ZNF850: variants seen among roughly 807,000 people sequenced by gnomAD.
The protein encoded by ZNF850 is zinc finger protein 850.
Under a neutral mutation model 11.9 loss-of-function variants are expected in ZNF850, and 2 were observed. The ratio of observed to expected loss-of-function variants is 0.17; its 90% CI spans 0.07 to 0.53. ZNF850 has a LOEUF of 0.53. ZNF850 is among the 20% of genes least tolerant of loss of function. The pLI is 0.94. For synonymous variants in ZNF850, 381 were observed against 443.0 expected (o/e 0.86, Z 1.76); for missense variants, 1,014 against 1,316.4 (o/e 0.77, Z 3.55).
rs1643583367 is a variant in ZNF850, at chr19:36,743,570, A to T, written c.*4197T>A. ...ATGAAGAAACCATTTCATCTACTAA[A>T]GTAGTTCATCAATGTTACAATCCTT... is the stretch of plus-strand genomic sequence containing the variant. On this transcript the variant is annotated 3_prime_UTR_variant, in exon 5 of 5. Coordinates refer to ENST00000591344, the MANE Select transcript of ZNF850 (RefSeq NM_001193552.2). 1 of 152,168 alleles carries T rather than the reference A, an allele frequency of 6.6e-6. No individual in the cohort carries two copies. The highest frequency in any genetic ancestry group is 2.1e-4 in the South Asian group (1 of 4,836). The allele number at this position is 152,168 out of a possible 1,614,324, so 9.4% of individuals were successfully genotyped here.
chr19:36,769,769 AAGG>A (rs1845125766), intron 1 of ZNF850, among the ~76,000 whole-genome samples: 1 of 152,178 alleles, frequency 6.6e-6, no homozygotes, highest in Admixed American at 6.6e-5. Flanking sequence ...CTCAAAATCC[AAGG>A]AGATTTCTCC....
In ZNF850 at chr19:36,749,733, A is replaced by G; in HGVS notation, c.1307T>C (p.Leu436Pro). 2 of 1,557,468 alleles carry G rather than the reference A, an allele frequency of 1.3e-6. No individual in the cohort carries two copies. The highest frequency in any genetic ancestry group is 1.7e-6 in the Non-Finnish European group (2 of 1,153,386). The change falls in exon 5 of 5, where the codon CTA (leucine) becomes CCA (proline). Residue 436 changes from leucine to proline, a missense_variant. Around this residue, in one of 2 missense-constraint regions of ZNF850, gnomAD observed 835 missense variants for 1,022.0 expected, o/e 0.82. Transcript: ENST00000591344. ...CGKSFTAGST[L>P]IQHQRIHTGE... ...AGTGTGAATTCGCTGATGTTGAATT[A>G]GTGTTGAGCCAGCAGTAAAAGATTT...
chr19:36,757,472 A>T (rs1457040679), intron 4 of ZNF850, among the ~76,000 whole-genome samples: 3 of 151,764 alleles, frequency 2.0e-5, no homozygotes, highest in African/African-American at 7.3e-5. Context: ...GATGAAACAT[A>T]AAAAGGAAGC....
In ZNF850 at chr19:36,748,965, C is replaced by T. The variant is rs748702950; in HGVS notation, c.2075G>A (p.Arg692Gln). 50 of 1,594,148 alleles carry T rather than the reference C, an allele frequency of 3.1e-5. No individual in the cohort carries two copies. The highest frequency in any genetic ancestry group is 1.6e-4 in the African/African-American group (12 of 73,806). Reference protein sequence around the residue: ...FRQRTYLNQHRRIHTGEKPYE... With the variant: ...FRQRTYLNQHQRIHTGEKPYE... ...AGGTTTCTCACCAGTATGAATTCTC[C>T]GATGTTGATTAAGGTATGTACGCTG... The change falls in exon 5 of 5, where the codon CGG (arginine) becomes CAG (glutamine). Residue 692 changes from arginine to glutamine, a missense_variant. By Grantham distance (43) the Arg-to-Gln change is conservative (BLOSUM62 1). Around this residue, in one of 2 missense-constraint regions of ZNF850, gnomAD observed 835 missense variants for 1,022.0 expected, o/e 0.82. Transcript: ENST00000591344.
At chr19:36,764,679 A>C (rs1365086247) in intron 1 of ZNF850, among the ~76,000 whole-genome samples, 1 of 150,094 alleles carries the variant, frequency 6.7e-6, no homozygotes, top group East Asian at 2.0e-4. Context: ...TTGTTGCTTT[A>C]GCTGCAAGTG....
At chr19:36,770,687 CAGAG>C (rs1183724030) in intron 1 of ZNF850, among the ~76,000 whole-genome samples, 1 of 111,390 alleles carries the variant, frequency 9.0e-6, no homozygotes, top group East Asian at 2.9e-4. Context: ...GTCTGGGCGA[CAGAG>C]AGAGACTCCA....
intron 4 of ZNF850, among the ~76,000 whole-genome samples, chr19:36,754,784 T>G (rs536598533): frequency 6.6e-6 from 1 of 152,190 alleles, no homozygotes; most frequent in East Asian, 1.9e-4. Flanking sequence ...CTTGAGCTAC[T>G]GACCTTGTGT....
intron 4 of ZNF850, among the ~76,000 whole-genome samples, chr19:36,756,054 C>T (rs1246933972): frequency 3.3e-5 from 5 of 151,740 alleles, no homozygotes; most frequent in East Asian, 1.9e-4. Flanking sequence ...TACAGGCGCC[C>T]GCCATGACAC....
Position 36,750,555 on chromosome 19 carries a change from C to T in ZNF850, c.485G>A (p.Arg162Gln), listed in dbSNP as rs933329813. The change falls in exon 5 of 5, where the codon CGG becomes CAG. Residue 162 changes from arginine (R) to glutamine (Q), a missense_variant. Arg to Gln is a conservative substitution (Grantham distance 43). Around this residue, in one of 2 missense-constraint regions of ZNF850, gnomAD observed 835 missense variants for 1,022.0 expected, o/e 0.82. Coordinates refer to ENST00000591344, the MANE Select transcript of ZNF850 (RefSeq NM_001193552.2). ...ATACAGTTTCTCTCCAGGATGAATC[C>T]GATGATGCAGAGTGAGAGATGTCTG... ...CLQTSLTLHHRIHPGEKLYKS... is the reference protein window; with the variant it reads ...CLQTSLTLHHQIHPGEKLYKS... 32 of 1,535,950 alleles carry T rather than the reference C, an allele frequency of 2.1e-5. No homozygotes were observed. Among genetic ancestry groups the T allele is most frequent in the African/African-American group, 2.7e-5 (2 of 73,006 alleles).
chr19:36,763,565 A>G (rs1336929829), intron 1 of ZNF850, among the ~76,000 whole-genome samples: 1 of 150,720 alleles, frequency 6.6e-6, no homozygotes, highest in Non-Finnish European at 1.5e-5. Context: ...CAACAACAAC[A>G]AAAAAAAACC....
At chr19:36,755,777 CCAAAAGGCTT>C (rs1213222120) in intron 4 of ZNF850, among the ~76,000 whole-genome samples, 1 of 150,634 alleles carries the variant, frequency 6.6e-6, no homozygotes, top group Admixed American at 6.6e-5. Context: ...AGAAACAGAA[CCAAAAGGCTT>C]CAAATACTAA....
intron 1 of ZNF850, among the ~76,000 whole-genome samples, chr19:36,771,315 C>T (rs1022075010): frequency 1.1e-4 from 16 of 152,136 alleles, no homozygotes; most frequent in Non-Finnish European, 2.2e-4. Context: ...TTGAAGAAAG[C>T]ACTACCCAGC....
rs370077728 is a variant in ZNF850, at chr19:36,750,126, C to A, written c.914G>T (p.Gly305Val). 6.6e-5 allele frequency: 102 copies of A among 1,538,586 alleles called. No homozygotes were observed. Among genetic ancestry groups the A allele is most frequent in the Non-Finnish European group, 8.4e-5 (96 of 1,146,974 alleles). Residue 305 changes from glycine (G) to valine (V), a missense_variant, in exon 5 of 5, where the codon GGT becomes GTT. Around this residue, in one of 2 missense-constraint regions of ZNF850, gnomAD observed 835 missense variants for 1,022.0 expected, o/e 0.82. Transcript: ENST00000591344. ...TLNQHQQIHT[G>V]EKPYHCKQCG... Reference sequence around the variant, plus strand: ...TTGCTTACAATGATAGGGTTTCTCACCAGTGTGAATTTGCTGATGTTGATT... The same window carrying A: ...TTGCTTACAATGATAGGGTTTCTCAACAGTGTGAATTTGCTGATGTTGATT...
At chr19:36,769,492 T>G (rs986996069) in intron 1 of ZNF850, among the ~76,000 whole-genome samples, 1 of 150,576 alleles carries the variant, frequency 6.6e-6, no homozygotes, top group East Asian at 2.0e-4. Context: ...TCAGCTTACT[T>G]GGTAGGCTGA....
chr19:36,763,313 G>T (rs1272173053), intron 1 of ZNF850, among the ~76,000 whole-genome samples: 2 of 152,184 alleles, frequency 1.3e-5, no homozygotes, highest in Non-Finnish European at 2.9e-5. Context: ...GGCCAAGGCG[G>T]ATGGATCACC....
At chr19:36,767,166 G>A (rs2040554007) in intron 1 of ZNF850, among the ~76,000 whole-genome samples, 1 of 152,042 alleles carries the variant, frequency 6.6e-6, no homozygotes, top group African/African-American at 2.4e-5. Context: ...AAGCATGGGA[G>A]GCAGAGGTTA....
Position 36,749,749 on chromosome 19 carries a change from T to G in ZNF850, c.1291A>C (p.Thr431Pro), listed in dbSNP as rs563400633. The change falls in exon 5 of 5, where the codon ACT becomes CCT. Residue 431 changes from threonine (T) to proline (P), a missense_variant. By Grantham distance (38) the Thr-to-Pro change is conservative. Around this residue, in one of 2 missense-constraint regions of ZNF850, gnomAD observed 835 missense variants for 1,022.0 expected, o/e 0.82. Coordinates refer to ENST00000591344, the MANE Select transcript of ZNF850 (RefSeq NM_001193552.2). ...TGTTGAATTAGTGTTGAGCCAGCAG[T>G]AAAAGATTTTCCACATTCTTTACAA... Reference protein sequence around the residue: ...YDCKECGKSFTAGSTLIQHQR... With the variant: ...YDCKECGKSFPAGSTLIQHQR... 12 of 1,553,326 alleles carry G rather than the reference T, an allele frequency of 7.7e-6. No homozygotes were observed. Among genetic ancestry groups the G allele is most frequent in the Non-Finnish European group, 7.8e-6 (9 of 1,152,022 alleles).
rs2040411052 is a variant in ZNF850, at chr19:36,746,285, A to G, written c.*1482T>C. The G allele has an allele frequency of 6.6e-6, 1 of 152,192 alleles. No individual in the cohort carries two copies. The highest frequency in any genetic ancestry group is 1.5e-5 in the Non-Finnish European group (1 of 68,036). 9.4% of individuals were successfully genotyped at this position (152,192 alleles called of 1,614,324 possible). ...TGTTATGGTGGCCTATGATTATCTT[A>G]GGCACCACTACTTGTTTTAGGGCAT... On this transcript the variant is annotated 3_prime_UTR_variant, in exon 5 of 5. Coordinates refer to ENST00000591344, the MANE Select transcript of ZNF850 (RefSeq NM_001193552.2).
intron 3 of ZNF850, 21 bp downstream of exon 3, chr19:36,762,284 T>C (rs2040523787): frequency 6.7e-7 from 1 of 1,500,108 alleles, no homozygotes; most frequent in Admixed American, 2.4e-5. Context: ...TCATGAGTTA[T>C]TTGCGGATAG....
Sources: gnomAD v4.1 joint callset for allele counts (sites outside exome capture counted in the v4.1 genomes callset) on GRCh38, gnomAD v4.1.1 for gene constraint, gnomAD v4.1.1 regional missense constraint, MANE v1.5 for transcripts, NCBI Gene and HGNC (gene_info 2026-07-23, HGNC 2026-07-21) for gene names.